XIRP2: variants seen among roughly 807,000 people sequenced by gnomAD.
The protein encoded by XIRP2 is xin actin binding repeat containing 2, also known as xin actin-binding repeat-containing protein 2.
A neutral mutation model predicts 277.0 loss-of-function variants in XIRP2; 236 were observed. That is an observed-to-expected ratio of 0.85 (90% CI 0.77 to 0.95). The LOEUF (loss-of-function observed/expected upper bound fraction) is 0.95. Among genes scored for constraint, XIRP2 ranks in the 40% least tolerant of loss-of-function variants. The pLI is 0.00. For synonymous variants in XIRP2, 1,490 were observed against 1,416.5 expected (o/e 1.05, Z -1.17); for missense variants, 4,640 against 4,157.5 (o/e 1.12, Z -3.19).
At chr2:167,078,837 CAA>C (rs71031277) in intron 2 of XIRP2, among the ~76,000 whole-genome samples, 86,890 of 126,956 alleles carry the variant, frequency 0.68, 30,501 homozygotes, top group Non-Finnish European at 0.81. Flanking sequence ...GACTCCGTCT[CAA>C]AAAAAAAAAA....
chr2:166,958,570 T>A (rs1231689660), intron 2 of XIRP2, among the ~76,000 whole-genome samples: 1 of 151,808 alleles, frequency 6.6e-6, no homozygotes, highest in African/African-American at 2.4e-5. Flanking sequence ...TATTTTCTGC[T>A]TTAGTTTCTC....
intron 2 of XIRP2, among the ~76,000 whole-genome samples, chr2:166,969,426 A>C (rs1686515599): frequency 6.6e-6 from 1 of 152,014 alleles, no homozygotes; most frequent in South Asian, 2.1e-4. Flanking sequence ...GCAGCCTTTA[A>C]ATTTGATAAA....
At chr2:167,207,335 A>C (rs73970894) in intron 3 of XIRP2, among the ~76,000 whole-genome samples, 1,702 of 152,280 alleles carry the variant, frequency 0.011, 30 homozygotes, top group African/African-American at 0.037. Flanking sequence ...GATTATATAA[A>C]TTGTAAAATT....
At chr2:167,229,210 T>C (rs1338507761) in intron 5 of XIRP2, among the ~76,000 whole-genome samples, 1 of 152,094 alleles carries the variant, frequency 6.6e-6, no homozygotes, top group Non-Finnish European at 1.5e-5. Flanking sequence ...CTAGGGAAAG[T>C]TGAAATAGAG....
chr2:167,170,399 C>A (rs953302874), intron 3 of XIRP2, among the ~76,000 whole-genome samples: 6 of 152,010 alleles, frequency 3.9e-5, no homozygotes, highest in Non-Finnish European at 4.4e-5. Flanking sequence ...TTTATTACAT[C>A]TTTGATAGAA....
chr2:167,114,786 T>A (rs532765013), intron 2 of XIRP2, among the ~76,000 whole-genome samples: 8 of 152,362 alleles, frequency 5.3e-5, no homozygotes, highest in African/African-American at 1.9e-4. Flanking sequence ...CATCCTTTTT[T>A]ATGGCTGCAT....
intron 3 of XIRP2, among the ~76,000 whole-genome samples, chr2:167,146,296 T>C (rs1232325026): frequency 2.0e-5 from 3 of 151,924 alleles, no homozygotes; most frequent in Non-Finnish European, 4.4e-5. Context: ...GGTCAGGAGT[T>C]CAAGACCAGC....
rs1185580009 is a variant in XIRP2 at position 167,082,014 on chromosome 2, C to CAT, written c.409-53893_409-53892dup. Among the ~76,000 whole-genome samples the CAT allele has an allele frequency of 6.6e-5, 10 of 151,486 alleles. No homozygotes were observed. In the East Asian group the frequency reaches 2.0e-3, roughly 30 times the overall value. ...ACAGTGTGCAGGTTAGTTACATATGCATACATGTGCCATGCTGGTGCGCTG... is the reference window on the plus strand; with the variant it reads ...ACAGTGTGCAGGTTAGTTACATATGCATATACATGTGCCATGCTGGTGCGCTG... On this transcript the variant is annotated intron_variant, in intron 2 of 10. Transcript: ENST00000409195.
chr2:167,079,130 T>C (rs1473014052), intron 2 of XIRP2, among the ~76,000 whole-genome samples: 1 of 152,242 alleles, frequency 6.6e-6, no homozygotes, highest in Non-Finnish European at 1.5e-5. Flanking sequence ...ACAGTTTTTG[T>C]TTCTAATTCT....
At chr2:166,910,184 A>G (rs1226799551) in intron 2 of XIRP2, among the ~76,000 whole-genome samples, 1 of 152,174 alleles carries the variant, frequency 6.6e-6, no homozygotes, top group Non-Finnish European at 1.5e-5. Flanking sequence ...TTCAGAAGGA[A>G]TGGTACCAGC....
At chr2:166,913,580 C>T (rs1396068021) in intron 2 of XIRP2, among the ~76,000 whole-genome samples, 2 of 152,112 alleles carry the variant, frequency 1.3e-5, no homozygotes, top group African/African-American at 4.8e-5. Context: ...ACACATGAGG[C>T]CTGTGGAGGG....
intron 2 of XIRP2, among the ~76,000 whole-genome samples, chr2:167,012,899 G>C (rs558751302): frequency 1.3e-5 from 2 of 151,140 alleles, no homozygotes; most frequent in African/African-American, 4.8e-5. Context: ...CCAGCGTTTT[G>C]TTATTTCCAG....
chr2:167,088,844 A>G (rs1466890340), intron 2 of XIRP2, among the ~76,000 whole-genome samples: 1 of 152,146 alleles, frequency 6.6e-6, no homozygotes, highest in Non-Finnish European at 1.5e-5. Context: ...TCAGAAAAGC[A>G]TTCACTATGC....
intron 3 of XIRP2, among the ~76,000 whole-genome samples, chr2:167,144,037 T>C (rs1411210336): frequency 1.3e-5 from 2 of 152,074 alleles, no homozygotes; most frequent in African/African-American, 2.4e-5. Flanking sequence ...CTTCACTATA[T>C]GAAATAAAAT....
At chr2:167,256,972 C>A (rs752034430) in intron 10 of XIRP2, among the ~76,000 whole-genome samples, 1 of 151,916 alleles carries the variant, frequency 6.6e-6, no homozygotes, top group Non-Finnish European at 1.5e-5. Flanking sequence ...GGAGTTCAAC[C>A]TCACTAGCCT....
At chr2:167,113,437 A>G (rs1419701171) in intron 2 of XIRP2, among the ~76,000 whole-genome samples, 1 of 152,080 alleles carries the variant, frequency 6.6e-6, no homozygotes, top group Non-Finnish European at 1.5e-5. Context: ...TGTTGGTTCA[A>G]TCTGGTTTTT....
At chr2:167,176,980 G>A (rs1374968326) in intron 3 of XIRP2, among the ~76,000 whole-genome samples, 1 of 152,174 alleles carries the variant, frequency 6.6e-6, no homozygotes, top group Non-Finnish European at 1.5e-5. Context: ...GGACCAAGCT[G>A]ATTGTGAGGT....
At chr2:167,115,613 G>T (rs1286721541) in intron 2 of XIRP2, among the ~76,000 whole-genome samples, 2 of 152,146 alleles carry the variant, frequency 1.3e-5, no homozygotes, top group African/African-American at 4.8e-5. Flanking sequence ...GTCTACTCAT[G>T]GGTCTTGGAG....
chr2:167,035,087 T>C (rs1688474696), intron 2 of XIRP2, among the ~76,000 whole-genome samples: 1 of 152,190 alleles, frequency 6.6e-6, no homozygotes, highest in South Asian at 2.1e-4. Flanking sequence ...TCCCCAGCCA[T>C]GTGGAACTGT....
Sources: allele counts gnomAD v4.1 joint callset (sites outside exome capture counted in the v4.1 genomes callset), GRCh38; gene constraint gnomAD v4.1.1; transcripts MANE v1.5; gene names NCBI Gene and HGNC (gene_info 2026-07-23, HGNC 2026-07-21).